ABCD3: variants seen among roughly 807,000 people sequenced by gnomAD.
ABCD3 encodes ATP binding cassette subfamily D member 3.
ABCD3 carries 41 observed loss-of-function variants against 105.5 expected under a neutral mutation model. The observed-to-expected ratio is 0.39, with a 90% CI of 0.30 to 0.50. ABCD3 has a LOEUF of 0.50. Among genes scored for constraint, ABCD3 ranks in the 20% least tolerant of loss-of-function variants. The pLI is 0.84. For missense variants in ABCD3, 622 were observed against 806.3 expected, an observed-to-expected ratio of 0.77 and a Z score of 2.77; for synonymous variants, 258 against 269.0, an observed-to-expected ratio of 0.96 and a Z score of 0.40.
chr1:94,496,451 TTGTGTGTGTGTG>T (rs57988079), intron 16 of ABCD3, among the ~76,000 whole-genome samples: 36 of 149,324 alleles, frequency 2.4e-4, no homozygotes, highest in African/African-American at 8.6e-4. Flanking sequence ...TGCCATTTCA[TTGTGTGTGTGTG>T]TGTGTGTGTG....
At chr1:94,453,254 C>A (rs1313066926) in intron 1 of ABCD3, among the ~76,000 whole-genome samples, 1 of 151,838 alleles carries the variant, frequency 6.6e-6, no homozygotes, top group African/African-American at 2.4e-5. Context: ...AGCTCTCAGA[C>A]AACTTTATAA....
At chr1:94,444,671 A>G (rs971042435) in intron 1 of ABCD3, among the ~76,000 whole-genome samples, 20 of 152,078 alleles carry the variant, frequency 1.3e-4, no homozygotes, top group African/African-American at 4.8e-4. Context: ...TTGACCCATG[A>G]CTTTTCACCA....
the ABCD3 span, among the ~76,000 whole-genome samples, chr1:94,390,609 T>G: frequency 3.9e-5 from 6 of 152,262 alleles, no homozygotes; most frequent in East Asian, 1.2e-3. Context: ...AGCCCACTCC[T>G]GCACTTTTAA....
intron 2 of ABCD3, among the ~76,000 whole-genome samples, chr1:94,459,373 C>T (rs4148056): frequency 0.36 from 54,815 of 151,888 alleles, 11,441 homozygotes; most frequent in Middle Eastern, 0.54. Flanking sequence ...ATACTAGTTT[C>T]CTTAGGCATT....
the ABCD3 span, among the ~76,000 whole-genome samples, chr1:94,389,869 A>G: frequency 5.9e-5 from 9 of 152,178 alleles, no homozygotes; most frequent in African/African-American, 1.7e-4. Context: ...CTTCCTGTGC[A>G]TCGGGTCCAA....
chr1:94,497,332 G>A (rs1649871929), intron 16 of ABCD3, among the ~76,000 whole-genome samples: 1 of 152,102 alleles, frequency 6.6e-6, no homozygotes, highest in Non-Finnish European at 1.5e-5. Flanking sequence ...CTAGAACAGA[G>A]CCTGACAGAG....
chr1:94,455,985 A>G (rs1164796247), intron 1 of ABCD3, among the ~76,000 whole-genome samples: 1 of 152,086 alleles, frequency 6.6e-6, no homozygotes, highest in African/African-American at 2.4e-5. Flanking sequence ...AATGATTACT[A>G]TTATCAAGCT....
chr1:94,427,546 T>C (rs1435668801), intron 1 of ABCD3, among the ~76,000 whole-genome samples: 2 of 152,240 alleles, frequency 1.3e-5, no homozygotes, highest in South Asian at 2.1e-4. Flanking sequence ...CTGATGAATA[T>C]CACCTTCTAA....
chr1:94,468,443 T>G (rs1277135562), intron 4 of ABCD3, among the ~76,000 whole-genome samples: 1 of 152,222 alleles, frequency 6.6e-6, no homozygotes, highest in South Asian at 2.1e-4. Flanking sequence ...TCTTAGACAT[T>G]TCTTTCTGCA....
chr1:94,466,714 A>G (rs533470510), intron 3 of ABCD3, among the ~76,000 whole-genome samples: 2 of 152,336 alleles, frequency 1.3e-5, no homozygotes, highest in Admixed American at 1.3e-4. Flanking sequence ...TTTAAAATAC[A>G]AGCTTCTCTG....
chr1:94,398,214 G>A, the ABCD3 span, among the ~76,000 whole-genome samples: 1 of 152,080 alleles, frequency 6.6e-6, no homozygotes, highest in African/African-American at 2.4e-5. Flanking sequence ...ATCAACATGA[G>A]TTCCTACTGC....
chr1:94,463,436 G>A (rs1339401340), intron 2 of ABCD3, among the ~76,000 whole-genome samples: 1 of 152,122 alleles, frequency 6.6e-6, no homozygotes, highest in Non-Finnish European at 1.5e-5. Context: ...GTTCACTTAA[G>A]GCTCATCAAG....
At chr1:94,394,470 A>G in the ABCD3 span, among the ~76,000 whole-genome samples, 1 of 152,248 alleles carries the variant, frequency 6.6e-6, no homozygotes, top group Non-Finnish European at 1.5e-5. Flanking sequence ...TGCAAATGAC[A>G]TCATCACCTA....
chr1:94,390,690 C>T, the ABCD3 span, among the ~76,000 whole-genome samples: 14 of 152,140 alleles, frequency 9.2e-5, no homozygotes, highest in Non-Finnish European at 1.8e-4. Flanking sequence ...ATTAACTTGG[C>T]TGAGGGGAAG....
At chr1:94,386,023 G>GTTTCTTTCTTTC in the ABCD3 span, among the ~76,000 whole-genome samples, 32 of 151,520 alleles carry the variant, frequency 2.1e-4, no homozygotes, top group African/African-American at 7.3e-4. Flanking sequence ...TTTAGAATCT[G>GTTTCTTTCTTTC]TTTCTTTCTT....
At chr1:94,412,310 T>C in the ABCD3 span, among the ~76,000 whole-genome samples, 1 of 152,180 alleles carries the variant, frequency 6.6e-6, no homozygotes, top group Non-Finnish European at 1.5e-5. Flanking sequence ...ATGTCATGAG[T>C]ATTTTTCCAA....
At chr1:94,420,128 G>A (rs1357049292) in intron 1 of ABCD3, among the ~76,000 whole-genome samples, 1 of 152,104 alleles carries the variant, frequency 6.6e-6, no homozygotes, top group Non-Finnish European at 1.5e-5. Context: ...ATGTGATATA[G>A]TATCACATAC....
At position 94,478,478 on chromosome 1, in the gene ABCD3, A is replaced by C. The variant is rs758590152; in HGVS notation, c.684+163A>C. On this transcript the variant is annotated intron_variant, in intron 8 of 22. Transcript: ENST00000370214. ...TGGTTATAAAATAATACTTCATTCGAGATTTTAGAAGTACTAATTTTTCTT... is the reference window on the plus strand; with the variant it reads ...TGGTTATAAAATAATACTTCATTCGCGATTTTAGAAGTACTAATTTTTCTT... 9 of 1,327,842 alleles carry C rather than the reference A, an allele frequency of 6.8e-6. No individual in the cohort carries two copies. The South Asian group carries it at 1.1e-4, about 17-fold the overall frequency. 82.3% of individuals were successfully genotyped at this position (1,327,842 alleles called of 1,614,324 possible).
chr1:94,444,011 T>G lies in ABCD3; in HGVS notation c.111-14596T>G, dbSNP rs149966109. Among the ~76,000 whole-genome samples the G allele has an allele frequency of 1.5e-3, 231 of 152,262 alleles. 1 individual carries two copies. The highest frequency in any genetic ancestry group is 5.2e-3 in the African/African-American group (218 of 41,542). ...GTAGTTTTCTCTCATGTCTTTTTTA[T>G]TTCATTATTTTTTGCTTCTATCTGT... On this transcript the variant is annotated intron_variant, in intron 1 of 22. Coordinates refer to ENST00000370214, the MANE Select transcript of ABCD3 (RefSeq NM_002858.4).
Sources: gnomAD v4.1 joint callset for allele counts (sites outside exome capture counted in the v4.1 genomes callset) on GRCh38, gnomAD v4.1.1 for gene constraint, MANE v1.5 for transcripts, NCBI Gene and HGNC (gene_info 2026-07-23, HGNC 2026-07-21) for gene names.